Variants in ZPBP observed in about 807,000 individuals in gnomAD.
The protein encoded by ZPBP is zona pellucida-binding protein 1.
Under a neutral mutation model 44.8 loss-of-function variants are expected in ZPBP, and 26 were observed. That is an observed-to-expected ratio of 0.58 (90% CI 0.43 to 0.81). The LOEUF (loss-of-function observed/expected upper bound fraction) is 0.81. ZPBP is among the 30% of genes least tolerant of loss of function. The pLI is 0.00. For synonymous variants in ZPBP, 174 were observed against 153.2 expected (o/e 1.14, Z -1.00); for missense variants, 409 against 434.0 (o/e 0.94, Z 0.51).
At chr7:50,058,791 T>G (rs1159728242) in intron 3 of ZPBP, among the ~76,000 whole-genome samples, 2 of 152,174 alleles carry the variant, frequency 1.3e-5, no homozygotes, top group East Asian at 3.8e-4. Context: ...CATTTCAACA[T>G]ACTTCATTAT....
intron 2 of ZPBP, among the ~76,000 whole-genome samples, chr7:49,858,952 G>T (rs1340729030): frequency 2.6e-5 from 4 of 152,190 alleles, no homozygotes; most frequent in African/African-American, 4.8e-5. Flanking sequence ...TGGCCCCACA[G>T]AGTTTATCAG....
intron 7 of ZPBP, among the ~76,000 whole-genome samples, chr7:49,953,320 G>T (rs1418683334): frequency 6.6e-6 from 1 of 152,110 alleles, no homozygotes; most frequent in Non-Finnish European, 1.5e-5. Flanking sequence ...GCAGGTATGT[G>T]TGAGGAAGCT....
chr7:50,047,541 C>T (rs1227864629), intron 4 of ZPBP, among the ~76,000 whole-genome samples: 1 of 151,812 alleles, frequency 6.6e-6, no homozygotes. Flanking sequence ...GGAACTTGGC[C>T]TCTGTGGAGA....
chr7:49,939,087 G>T (rs1406039498), intron 7 of ZPBP, among the ~76,000 whole-genome samples: 1 of 152,126 alleles, frequency 6.6e-6, no homozygotes, highest in Non-Finnish European at 1.5e-5. Context: ...AATTGGTAAT[G>T]TACACAGTAA....
chr7:49,912,143 G>A (rs772002250), intron 1 of ZPBP: 2 of 1,614,096 alleles, frequency 1.2e-6, no homozygotes, highest in Non-Finnish European at 1.7e-6. Context: ...GGAGAATCGA[G>A]CGGCAGGCCA....
chr7:50,054,475 CTAA>C (rs1800837751), intron 4 of ZPBP, among the ~76,000 whole-genome samples: 1 of 152,078 alleles, frequency 6.6e-6, no homozygotes, highest in African/African-American at 2.4e-5. Flanking sequence ...TTCTAACTCA[CTAA>C]TAATTAAGCA....
At chr7:49,960,037 A>G (rs1247345064) in intron 7 of ZPBP, among the ~76,000 whole-genome samples, 1 of 152,224 alleles carries the variant, frequency 6.6e-6, no homozygotes, top group Admixed American at 6.5e-5. Context: ...TTTATGGTAA[A>G]AAATGATCAT....
At chr7:49,885,784 G>A (rs1791877615) in intron 2 of ZPBP, among the ~76,000 whole-genome samples, 1 of 152,208 alleles carries the variant, frequency 6.6e-6, no homozygotes, top group Non-Finnish European at 1.5e-5. Flanking sequence ...AGGTGCTTGC[G>A]GCCTGGACCA....
chr7:49,975,448 C>T (rs1398200686), intron 7 of ZPBP, among the ~76,000 whole-genome samples: 1 of 152,130 alleles, frequency 6.6e-6, no homozygotes, highest in African/African-American at 2.4e-5. Flanking sequence ...TGCCTGGCTA[C>T]CCAGTGGGAA....
intron 6 of ZPBP, among the ~76,000 whole-genome samples, chr7:50,010,908 CAAAAAAA>C (rs71554292): frequency 0.39 from 36,128 of 92,574 alleles, 5,472 homozygotes; most frequent in Non-Finnish European, 0.46. Flanking sequence ...CAAGACCAAG[CAAAAAAA>C]AAAAAAAAAA....
chr7:49,921,320 T>G (rs1383016518), intron 1 of ZPBP: 1 of 152,202 alleles, frequency 6.6e-6, no homozygotes, highest in Non-Finnish European at 1.5e-5. Context: ...GGCCTGAGCC[T>G]TACTCCATAG....
rs142194889 is a variant in ZPBP at position 49,887,621 on chromosome 7, T to A, written n.509+13497A>T. ...GGCAGATGTCAATGGTTTCCATTTG[T>A]ACAGGATTCAACACAACTTATGGCA... On this transcript the variant is annotated intron_variant and non_coding_transcript_variant, in intron 2 of 2. Transcript: ENST00000465922. Among the ~76,000 whole-genome samples the A allele has an allele frequency of 4.2e-3, 640 of 152,286 alleles. 3 individuals carry two copies. The highest frequency in any genetic ancestry group is 0.015 in the African/African-American group (622 of 41,522).
intron 3 of ZPBP, among the ~76,000 whole-genome samples, chr7:50,070,063 T>C (rs887181249): frequency 6.6e-6 from 1 of 152,040 alleles, no homozygotes; most frequent in African/African-American, 2.4e-5. Flanking sequence ...GTGAGCCTAG[T>C]TAGGCTCCCA....
chr7:49,864,585 G>T (rs1305192062), intron 2 of ZPBP, among the ~76,000 whole-genome samples: 1 of 152,200 alleles, frequency 6.6e-6, no homozygotes. Context: ...GTTGGCTGCA[G>T]GTTGTTGTCA....
intron 6 of ZPBP, among the ~76,000 whole-genome samples, chr7:50,012,086 A>C (rs1311305239): frequency 6.6e-6 from 1 of 151,746 alleles, no homozygotes; most frequent in Non-Finnish European, 1.5e-5. Flanking sequence ...AATGAGAGAG[A>C]ACACATACCA....
chr7:49,981,587 T>A (rs1329603993), intron 7 of ZPBP, among the ~76,000 whole-genome samples: 5 of 46,456 alleles, frequency 1.1e-4, no homozygotes, highest in Non-Finnish European at 1.5e-4. Context: ...AAATTATATA[T>A]TATATAATTA....
intron 7 of ZPBP, chr7:49,943,620 G>T: frequency 3.0e-6 from 1 of 333,290 alleles, no homozygotes; most frequent in South Asian, 2.9e-5. Flanking sequence ...CCAAGGAGAG[G>T]ACAGCAACCC....
At chr7:49,911,661 C>A (rs1490689187) in intron 1 of ZPBP, among the ~76,000 whole-genome samples, 2 of 151,780 alleles carry the variant, frequency 1.3e-5, no homozygotes, top group Non-Finnish European at 2.9e-5. Context: ...CTTTGGGAAG[C>A]CAAGGTGGGT....
chr7:50,011,981 A>G (rs1798604861), intron 6 of ZPBP, among the ~76,000 whole-genome samples: 1 of 151,820 alleles, frequency 6.6e-6, no homozygotes, highest in Non-Finnish European at 1.5e-5. Flanking sequence ...CAGTGAGCCA[A>G]GACTGCACCA....
Sources: allele counts gnomAD v4.1 joint callset (sites outside exome capture counted in the v4.1 genomes callset), GRCh38; gene constraint gnomAD v4.1.1; transcripts MANE v1.5; gene names NCBI Gene and HGNC (gene_info 2026-07-23, HGNC 2026-07-21).